ADAP2: variants seen among roughly 807,000 people sequenced by gnomAD.
ADAP2 encodes arf-GAP with dual PH domain-containing protein 2.
ADAP2 carries 42 observed loss-of-function variants against 54.9 expected under a neutral mutation model. The observed-to-expected ratio is 0.77, with a 90% CI of 0.60 to 0.99. ADAP2 has a LOEUF of 0.99. Ranked by LOEUF, ADAP2 falls within the 50% of genes least tolerant of loss-of-function variation. The pLI is 0.00. For synonymous variants in ADAP2, 177 were observed against 180.1 expected (o/e 0.98, Z 0.14); for missense variants, 429 against 480.4 (o/e 0.89, Z 1.00).
intron 3 of ADAP2, 33 bp from the exon 4 acceptor site, chr17:30,931,856 A>C (rs1458873173): frequency 6.4e-7 from 1 of 1,553,824 alleles, no homozygotes; most frequent in Non-Finnish European, 8.8e-7. Flanking sequence ...AGAATGCATC[A>C]AACGCAGCTG....
At chr17:30,939,906 G>A (rs1022262760) in intron 5 of ADAP2, among the ~76,000 whole-genome samples, 1 of 152,016 alleles carries the variant, frequency 6.6e-6, no homozygotes, top group Non-Finnish European at 1.5e-5. Context: ...CCATCCCCTA[G>A]CAATTGAGGG....
intron 5 of ADAP2, among the ~76,000 whole-genome samples, chr17:30,942,819 C>G (rs1028828809): frequency 3.9e-5 from 6 of 152,160 alleles, no homozygotes; most frequent in Non-Finnish European, 5.9e-5. Flanking sequence ...CATCACTAAT[C>G]AGAGAAATGT....
intron 5 of ADAP2, among the ~76,000 whole-genome samples, chr17:30,936,687 T>C (rs1316350245): frequency 1.3e-5 from 2 of 152,092 alleles, no homozygotes; most frequent in Non-Finnish European, 2.9e-5. Context: ...GAGGCCGAGG[T>C]GGGCAGATCA....
intron 6 of ADAP2, among the ~76,000 whole-genome samples, chr17:30,946,618 A>T (rs1912699769): frequency 6.6e-6 from 1 of 152,172 alleles, no homozygotes; most frequent in Non-Finnish European, 1.5e-5. Context: ...GGGTCACATA[A>T]CTAGGCAGGG....
intron 2 of ADAP2, among the ~76,000 whole-genome samples, chr17:30,924,592 G>A (rs1479793551): frequency 2.0e-5 from 3 of 152,136 alleles, no homozygotes; most frequent in Non-Finnish European, 4.4e-5. Context: ...GTGCGGGTTG[G>A]CTGAGGGTTT....
intron 2 of ADAP2, among the ~76,000 whole-genome samples, chr17:30,923,744 A>G (rs1426557148): frequency 8.9e-6 from 1 of 112,870 alleles, no homozygotes; most frequent in South Asian, 2.9e-4. Flanking sequence ...CTTGTCGCCC[A>G]GGCTGGAGTG....
At chr17:30,928,427 T>C (rs1455272475) in intron 3 of ADAP2, among the ~76,000 whole-genome samples, 2 of 151,786 alleles carry the variant, frequency 1.3e-5, no homozygotes, top group East Asian at 3.9e-4. Flanking sequence ...ACCCGAGAGG[T>C]GGAGGTTGCA....
chr17:30,941,853 GT>G (rs1204338091), intron 5 of ADAP2, among the ~76,000 whole-genome samples: 1 of 151,956 alleles, frequency 6.6e-6, no homozygotes, highest in African/African-American at 2.4e-5. Flanking sequence ...GATAAGTAAT[GT>G]TTTATATCTT....
chr17:30,945,722 C>T (rs1430743209), intron 6 of ADAP2, among the ~76,000 whole-genome samples: 2 of 151,762 alleles, frequency 1.3e-5, no homozygotes, highest in African/African-American at 4.9e-5. Flanking sequence ...TGCCACTGCA[C>T]TCCAAGCCTG....
chr17:30,946,036 T>C lies in ADAP2; in HGVS notation c.657+983T>C, dbSNP rs560920223. 6.0e-5 allele frequency among the ~76,000 whole-genome samples: 9 copies of C among 150,884 alleles called. 1 individual carries two copies. Among genetic ancestry groups the C allele is most frequent in the African/African-American group, 2.2e-4 (9 of 41,164 alleles). On this transcript the variant is annotated intron_variant, in intron 6 of 10. Coordinates refer to ENST00000330889, the MANE Select transcript of ADAP2 (RefSeq NM_018404.3). ...CGGGCATGGTGGCAGGTGCCTGTAG[T>C]CCCAGCTACTCAGGAGGCGGAGGCA...
chr17:30,926,016 G>A (rs1326104550), intron 2 of ADAP2, among the ~76,000 whole-genome samples: 2 of 152,172 alleles, frequency 1.3e-5, no homozygotes, highest in Non-Finnish European at 2.9e-5. Context: ...ACAGGTGTGA[G>A]CCACTGTGCC....
intron 3 of ADAP2, among the ~76,000 whole-genome samples, chr17:30,927,966 C>A (rs920630087): frequency 6.6e-6 from 1 of 151,334 alleles, no homozygotes; most frequent in East Asian, 1.9e-4. Context: ...TTGCAGTGAG[C>A]TAGGATCACA....
rs1366575980 is a variant in ADAP2, at chr17:30,922,797, G to A, written c.95-143G>A. On this transcript the variant is annotated intron_variant, in intron 1 of 10. Transcript: ENST00000330889. ...CCGGTCGCCGCGCAGCGGCCGGTGG[G>A]CTAACCAGAAGGTGCCAGGCTGGCC... 13 of 927,406 alleles carry A rather than the reference G, an allele frequency of 1.4e-5. No homozygotes were observed. In the Admixed American group the frequency reaches 3.0e-4, roughly 21 times the overall value. 57.4% of individuals were successfully genotyped at this position (927,406 alleles called of 1,614,324 possible).
At chr17:30,940,391 GC>G (rs1912187502) in intron 5 of ADAP2, among the ~76,000 whole-genome samples, 1 of 150,526 alleles carries the variant, frequency 6.6e-6, no homozygotes, top group African/African-American at 2.5e-5. Flanking sequence ...TGCAACCTTC[GC>G]CTCCCAGGTT....
chr17:30,954,404 G>C, intron 8 of ADAP2, 74 bp from the exon 9 acceptor site: 1 of 1,346,838 alleles, frequency 7.4e-7, no homozygotes, highest in Non-Finnish European at 1.1e-6. Context: ...TTTGGTTTGG[G>C]CTGGGCTGGC....
intron 5 of ADAP2, among the ~76,000 whole-genome samples, chr17:30,938,843 T>G (rs1485311215): frequency 1.3e-5 from 2 of 152,170 alleles, no homozygotes; most frequent in Non-Finnish European, 2.9e-5. Context: ...AAATTCAATA[T>G]TTGATACCAG....
chr17:30,927,839 G>A (rs1436671865), intron 3 of ADAP2, among the ~76,000 whole-genome samples: 1 of 151,960 alleles, frequency 6.6e-6, no homozygotes, highest in Non-Finnish European at 1.5e-5. Flanking sequence ...GAGCAACATA[G>A]CAAGACCCTG....
chr17:30,946,216 AT>A (rs1912667995), intron 6 of ADAP2, among the ~76,000 whole-genome samples: 1 of 151,984 alleles, frequency 6.6e-6, no homozygotes, highest in Non-Finnish European at 1.5e-5. Flanking sequence ...TCTTGTGCAC[AT>A]TAAAGTTTGA....
At position 30,956,367 on chromosome 17, in the gene ADAP2, C is replaced by T. The variant is rs760597259; in HGVS notation, c.1009C>T (p.Arg337Trp). Residue 337 changes from arginine to tryptophan, a missense_variant, in exon 10 of 11, where the codon CGG becomes TGG. Coordinates refer to ENST00000330889, the MANE Select transcript of ADAP2 (RefSeq NM_018404.3). Reference protein sequence around the residue: ...KAGLTIVTPERRFVLTCPSEK... With the variant: ...KAGLTIVTPEWRFVLTCPSEK... ...CGGACTCACCATTGTCACCCCAGAG[C>T]GGAGATTTGTCCTCACTTGCCCCAG... 3.1e-6 allele frequency: 5 copies of T among 1,614,088 alleles called. No individual in the cohort carries two copies. The highest frequency in any genetic ancestry group is 4.2e-6 in the Non-Finnish European group (5 of 1,180,042).
Sources: allele counts gnomAD v4.1 joint callset (sites outside exome capture counted in the v4.1 genomes callset), GRCh38; gene constraint gnomAD v4.1.1; transcripts MANE v1.5; gene names NCBI Gene and HGNC (gene_info 2026-07-23, HGNC 2026-07-21).